Variants in C12orf56 observed in about 807,000 individuals in gnomAD.
C12orf56 encodes the protein chromosome 12 open reading frame 56.
Under a neutral mutation model 69.9 loss-of-function variants are expected in C12orf56, and 71 were observed. That is an observed-to-expected ratio of 1.02 (90% CI 0.84 to 1.24). C12orf56 has a LOEUF of 1.24. C12orf56 is among the 50% of genes most tolerant of loss of function. The pLI is 0.00. For synonymous variants in C12orf56, 276 were observed against 274.1 expected (o/e 1.01, Z -0.07); for missense variants, 732 against 738.5 (o/e 0.99, Z 0.10).
At chr12:64,369,359 G>A (rs546767666) in intron 1 of C12orf56, among the ~76,000 whole-genome samples, 33 of 152,086 alleles carry the variant, frequency 2.2e-4, no homozygotes, top group South Asian at 1.0e-3. Flanking sequence ...CACCACGCCC[G>A]GCTAATTTTT....
At chr12:64,350,624 C>T (rs1399192694) in intron 2 of C12orf56, among the ~76,000 whole-genome samples, 3 of 152,152 alleles carry the variant, frequency 2.0e-5, no homozygotes, top group African/African-American at 7.2e-5. Flanking sequence ...ATATCACTTT[C>T]TAACAGTTCC....
intron 2 of C12orf56, among the ~76,000 whole-genome samples, chr12:64,351,959 C>G (rs2039228605): frequency 6.6e-6 from 1 of 152,078 alleles, no homozygotes; most frequent in South Asian, 2.1e-4. Flanking sequence ...AGGATACTCC[C>G]TTCGGATACA....
chr12:64,266,332 G>T lies in C12orf56; in HGVS notation c.*851C>A. 5.9e-6 allele frequency: 1 copy of T among 168,622 alleles called. No individual in the cohort carries two copies. Among genetic ancestry groups the T allele is most frequent in the East Asian group, 1.6e-4 (1 of 6,394 alleles). 10.4% of individuals were successfully genotyped at this position (168,622 alleles called of 1,614,324 possible). A position where few individuals can be genotyped will look rare whatever the true frequency, so the allele number is the denominator to read the frequency against. ...TTTTGTCTTAGAACCTTTTTTTCTG[G>T]AGAAACGCTACTGTTTAGCACCACT... On this transcript the variant is annotated 3_prime_UTR_variant, in exon 13 of 13. Coordinates refer to ENST00000543942, the MANE Select transcript of C12orf56 (RefSeq NM_001170633.2).
intron 5 of C12orf56, among the ~76,000 whole-genome samples, chr12:64,307,921 T>C (rs1592438460): frequency 6.7e-6 from 1 of 148,300 alleles, no homozygotes; most frequent in Non-Finnish European, 1.5e-5. Context: ...GAGGCTGAGG[T>C]GGAAGGATTG....
chr12:64,298,062 T>C (rs1475291541), intron 6 of C12orf56, among the ~76,000 whole-genome samples: 2 of 152,186 alleles, frequency 1.3e-5, no homozygotes, highest in African/African-American at 4.8e-5. Flanking sequence ...TTCCTGACTT[T>C]TTAATGATCA....
intron 4 of C12orf56, among the ~76,000 whole-genome samples, chr12:64,313,570 G>A (rs556399710): frequency 2.6e-5 from 4 of 151,306 alleles, no homozygotes; most frequent in Admixed American, 6.6e-5. Context: ...AGTATCTATC[G>A]TCTGTTTGGT....
intron 2 of C12orf56, among the ~76,000 whole-genome samples, chr12:64,340,124 A>G (rs971468682): frequency 5.9e-5 from 9 of 152,082 alleles, no homozygotes; most frequent in African/African-American, 2.2e-4. Flanking sequence ...TCCAAAACTG[A>G]AGAACTTGGA....
intron 1 of C12orf56, among the ~76,000 whole-genome samples, chr12:64,384,778 G>A (rs918212023): frequency 4.6e-5 from 7 of 152,192 alleles, no homozygotes; most frequent in African/African-American, 1.7e-4. Context: ...AACCAGCTGG[G>A]CACGGTGGCT....
At chr12:64,365,245 A>G (rs1265027263) in intron 1 of C12orf56, among the ~76,000 whole-genome samples, 1 of 146,634 alleles carries the variant, frequency 6.8e-6, no homozygotes, top group Non-Finnish European at 1.5e-5. Context: ...GCTCACTGCA[A>G]CCTCCGCCTT....
At chr12:64,310,870 T>A (rs892378614) in intron 5 of C12orf56, among the ~76,000 whole-genome samples, 6 of 151,466 alleles carry the variant, frequency 4.0e-5, no homozygotes, top group Non-Finnish European at 8.8e-5. Flanking sequence ...CCTCCCCCCT[T>A]CCCCCACCCC....
In C12orf56 at chr12:64,286,073, G is replaced by A; in HGVS notation, c.1114-13C>T. Reference sequence around the variant, plus strand: ...AAAGGTCACTGGTCTGTGAAAGCAAGTTGGAAAAAAAGACAGTAATTAAGG... The same window carrying A: ...AAAGGTCACTGGTCTGTGAAAGCAAATTGGAAAAAAAGACAGTAATTAAGG... On this transcript the variant is annotated splice_polypyrimidine_tract_variant and intron_variant, in intron 6 of 12. Coordinates refer to ENST00000543942, the MANE Select transcript of C12orf56 (RefSeq NM_001170633.2). The A allele has an allele frequency of 2.0e-6, 3 of 1,518,562 alleles. No individual in the cohort carries two copies. Among genetic ancestry groups the A allele is most frequent in the Non-Finnish European group, 2.7e-6 (3 of 1,108,620 alleles). The allele number at this position is 1,518,562 out of a possible 1,614,324, so 94.1% of individuals were successfully genotyped here.
intron 8 of C12orf56, among the ~76,000 whole-genome samples, chr12:64,278,549 T>C (rs2038085484): frequency 6.6e-6 from 1 of 152,220 alleles, no homozygotes; most frequent in South Asian, 2.1e-4. Flanking sequence ...GTACATATTT[T>C]ATAAATCAAG....
intron 2 of C12orf56, among the ~76,000 whole-genome samples, chr12:64,337,592 C>CA (rs1316980286): frequency 6.6e-6 from 1 of 152,198 alleles, no homozygotes; most frequent in African/African-American, 2.4e-5. Context: ...CACAGTGGCT[C>CA]ATGCCTGTAA....
At chr12:64,318,500 G>T in intron 4 of C12orf56, 75 bp downstream of exon 4, 1 of 1,279,884 alleles carries the variant, frequency 7.8e-7, no homozygotes, top group Non-Finnish European at 1.0e-6. Context: ...AGGTAAAGGA[G>T]GGAGGAGGGC....
At chr12:64,376,915 T>C (rs2039649444) in intron 1 of C12orf56, among the ~76,000 whole-genome samples, 1 of 151,590 alleles carries the variant, frequency 6.6e-6, no homozygotes, top group Admixed American at 6.6e-5. Flanking sequence ...TAGTTCTGCC[T>C]CTAGGTCTTT....
intron 1 of C12orf56, among the ~76,000 whole-genome samples, chr12:64,385,364 AT>A (rs1195666604): frequency 6.6e-6 from 1 of 151,814 alleles, no homozygotes; most frequent in Non-Finnish European, 1.5e-5. Context: ...GTTACCTTTA[AT>A]TTTTTTTCCT....
chr12:64,319,250 A>C (rs1249007943), intron 3 of C12orf56, among the ~76,000 whole-genome samples: 1 of 152,246 alleles, frequency 6.6e-6, no homozygotes, highest in Non-Finnish European at 1.5e-5. Flanking sequence ...ATATATTGAA[A>C]GTATTGTGCC....
rs188487762 is a variant in C12orf56, at chr12:64,266,375, G to A, written c.*808C>T. On this transcript the variant is annotated 3_prime_UTR_variant, in exon 13 of 13. Coordinates refer to ENST00000543942, the MANE Select transcript of C12orf56 (RefSeq NM_001170633.2). ...GCACCACTTTATGTATGTCAGAATGGATGTAGGTTTCTTTGTAGCAGATTT... is the reference window on the plus strand; with the variant it reads ...GCACCACTTTATGTATGTCAGAATGAATGTAGGTTTCTTTGTAGCAGATTT... The A allele has an allele frequency of 2.3e-4, 50 of 219,440 alleles. No homozygotes were observed. Among genetic ancestry groups the A allele is most frequent in the Non-Finnish European group, 3.3e-4 (34 of 102,666 alleles). The allele number at this position is 219,440 out of a possible 1,614,324, so 13.6% of individuals were successfully genotyped here.
At chr12:64,335,733 G>A (rs1202883153) in intron 2 of C12orf56, among the ~76,000 whole-genome samples, 1 of 152,134 alleles carries the variant, frequency 6.6e-6, no homozygotes. Context: ...GAAAAGTTGG[G>A]TCTAATTAGG....
Sources: allele counts gnomAD v4.1 joint callset (sites outside exome capture counted in the v4.1 genomes callset), GRCh38; gene constraint gnomAD v4.1.1; transcripts MANE v1.5; gene names NCBI Gene and HGNC (gene_info 2026-07-23, HGNC 2026-07-21).